INTS4: variants seen among roughly 807,000 people sequenced by gnomAD.
INTS4 encodes MSTP093.
A neutral mutation model predicts 119.5 loss-of-function variants in INTS4; 70 were observed. The ratio of observed to expected loss-of-function variants is 0.59; its 90% confidence interval spans 0.48 to 0.71. The LOEUF is 0.71. Among genes scored for constraint, INTS4 ranks in the 30% least tolerant of loss-of-function variants. The probability of loss-of-function intolerance (pLI) is 0.00; values close to 1 mark genes in which losing one functional copy is unlikely to be tolerated. For missense variants in INTS4, 867 were observed against 1,173.2 expected (o/e 0.74, Z 3.81); for synonymous variants, 316 against 419.6 (o/e 0.75, Z 3.02).
rs576885950 is a variant in INTS4 at position 77,943,317 on chromosome 11, AAC to A, written c.919-2068_919-2067del. Among the ~76,000 whole-genome samples, 198 of 152,216 alleles carry A rather than the reference AAC, an allele frequency of 1.3e-3. 1 individual carries two copies. The highest frequency in any genetic ancestry group is 4.6e-3 in the African/African-American group (190 of 41,486). ...TGAAGCTTTCCATTTTAAGTCCACA[AAC>A]ACAGAGTCCTATAGCATAGTAATCC... On this transcript the variant is annotated intron_variant, in intron 8 of 22. Transcript: ENST00000534064.
At chr11:77,959,855 T>C (rs1015653692) in intron 6 of INTS4, among the ~76,000 whole-genome samples, 1 of 152,216 alleles carries the variant, frequency 6.6e-6, no homozygotes, top group African/African-American at 2.4e-5. Context: ...TAAGGCCTTT[T>C]GGTTGGCCAT....
intron 17 of INTS4, among the ~76,000 whole-genome samples, chr11:77,902,900 A>G (rs1297615121): frequency 6.6e-6 from 1 of 152,192 alleles, no homozygotes; most frequent in Admixed American, 6.5e-5. Flanking sequence ...CTAAAGATAT[A>G]AACAACCTTA....
At chr11:77,904,580 GT>G (rs1952883736) in intron 16 of INTS4, among the ~76,000 whole-genome samples, 1 of 152,156 alleles carries the variant, frequency 6.6e-6, no homozygotes, top group Non-Finnish European at 1.5e-5. Context: ...GTGCTCAAGA[GT>G]CCCATGTATC....
chr11:77,883,763 C>A, intron 22 of INTS4, 69 bp downstream of exon 22: 1 of 1,529,444 alleles, frequency 6.5e-7, no homozygotes. Flanking sequence ...CTTTAAAAAC[C>A]AAACGCTTAA....
intron 21 of INTS4, among the ~76,000 whole-genome samples, chr11:77,887,704 G>C (rs1363224391): frequency 6.6e-6 from 1 of 152,168 alleles, no homozygotes; most frequent in South Asian, 2.1e-4. Context: ...TCCTTAAGCT[G>C]ATAAGCAACT....
intron 15 of INTS4, among the ~76,000 whole-genome samples, chr11:77,911,655 C>T (rs1953090614): frequency 6.6e-6 from 1 of 152,234 alleles, no homozygotes; most frequent in African/African-American, 2.4e-5. Context: ...TGGGAAAAAT[C>T]CTGTGTCCCA....
At chr11:77,983,623 A>G (rs1275045211) in intron 2 of INTS4, among the ~76,000 whole-genome samples, 1 of 152,212 alleles carries the variant, frequency 6.6e-6, no homozygotes, top group Non-Finnish European at 1.5e-5. Flanking sequence ...AATCAAAACT[A>G]CAATGAGACA....
intron 13 of INTS4, 107 bp downstream of exon 13, chr11:77,922,249 A>C: frequency 7.0e-7 from 1 of 1,427,618 alleles, no homozygotes; most frequent in Non-Finnish European, 9.3e-7. Context: ...AAAAAAAAGA[A>C]AGAAAAGCAA....
intron 19 of INTS4, 68 bp downstream of exon 19, chr11:77,894,222 A>T: frequency 1.3e-6 from 1 of 778,492 alleles, no homozygotes; most frequent in Non-Finnish European, 2.2e-6. Context: ...GATTGTTCCT[A>T]TTGCCTGCAA....
intron 4 of INTS4, among the ~76,000 whole-genome samples, chr11:77,972,699 G>A (rs1855779928): frequency 1.3e-5 from 2 of 152,114 alleles, no homozygotes; most frequent in African/African-American, 2.4e-5. Flanking sequence ...TTACAGGCGT[G>A]AGCCACCATG....
intron 10 of INTS4, among the ~76,000 whole-genome samples, chr11:77,935,038 C>A (rs1041581373): frequency 3.3e-5 from 5 of 152,162 alleles, no homozygotes; most frequent in African/African-American, 1.2e-4. Flanking sequence ...GTCTGTTACC[C>A]TTGCTGATAA....
chr11:77,991,035 T>C, intron 2 of INTS4, 73 bp downstream of exon 2: 3 of 1,303,260 alleles, frequency 2.3e-6, no homozygotes, highest in Non-Finnish European at 3.3e-6. Flanking sequence ...TATTTATTTG[T>C]AATATTAACC....
At chr11:77,924,239 A>AG (rs1050878888) in intron 12 of INTS4, among the ~76,000 whole-genome samples, 21 of 151,480 alleles carry the variant, frequency 1.4e-4, no homozygotes, top group African/African-American at 4.8e-4. Context: ...TACTAAAAAA[A>AG]AAAACAAAAA....
chr11:77,889,060 T>G (rs1296192493), intron 21 of INTS4, among the ~76,000 whole-genome samples: 1 of 152,162 alleles, frequency 6.6e-6, no homozygotes, highest in Non-Finnish European at 1.5e-5. Context: ...TTTGACCCAG[T>G]CATCGCATTA....
chr11:77,908,304 G>A (rs940030090), intron 15 of INTS4, among the ~76,000 whole-genome samples: 1 of 150,974 alleles, frequency 6.6e-6, no homozygotes, highest in African/African-American at 2.4e-5. Context: ...AGGTATACAC[G>A]CGTCATGATG....
chr11:77,948,374 C>T (rs75562528), intron 8 of INTS4, among the ~76,000 whole-genome samples: 59 of 152,194 alleles, frequency 3.9e-4, no homozygotes, highest in Admixed American at 2.8e-3. Flanking sequence ...TAGCTGGGCG[C>T]GGTGGCTTAT....
chr11:77,887,298 A>G (rs1196899778), intron 21 of INTS4, among the ~76,000 whole-genome samples: 1 of 152,258 alleles, frequency 6.6e-6, no homozygotes, highest in African/African-American at 2.4e-5. Flanking sequence ...AATCCATCAT[A>G]TAAACAGAAC....
intron 4 of INTS4, among the ~76,000 whole-genome samples, chr11:77,969,456 T>C (rs1400544377): frequency 5.3e-5 from 8 of 152,082 alleles, no homozygotes; most frequent in South Asian, 2.1e-4. Context: ...TCATAGCTCA[T>C]TGCAGCCTTG....
chr11:77,919,461 T>C (rs1953286484), intron 14 of INTS4, among the ~76,000 whole-genome samples: 1 of 152,128 alleles, frequency 6.6e-6, no homozygotes, highest in Non-Finnish European at 1.5e-5. Flanking sequence ...TAATTTTGTA[T>C]TTTTAGTAGA....
Sources: allele counts gnomAD v4.1 joint callset (sites outside exome capture counted in the v4.1 genomes callset), GRCh38; gene constraint gnomAD v4.1.1; transcripts MANE v1.5; gene names NCBI Gene and HGNC (gene_info 2026-07-23, HGNC 2026-07-21).